NEGR1: variants seen among roughly 807,000 people sequenced by gnomAD.
NEGR1 encodes the protein neuronal growth regulator 1, also known as IgLON family member 4.
Under a neutral mutation model 40.9 loss-of-function variants are expected in NEGR1, and 10 were observed. The ratio of observed to expected loss-of-function variants is 0.24; its 90% CI spans 0.15 to 0.42. NEGR1 has a LOEUF of 0.42. Among genes scored for constraint, NEGR1 ranks in the 10% least tolerant of loss-of-function variants. The pLI is 1.00. For synonymous variants in NEGR1, 185 were observed against 166.8 expected (o/e 1.11, Z -0.84); for missense variants, 352 against 438.9 (o/e 0.80, Z 1.77).
At chr1:71,793,187 T>C (rs1001020427) in intron 2 of NEGR1, among the ~76,000 whole-genome samples, 1 of 142,118 alleles carries the variant, frequency 7.0e-6, no homozygotes, top group African/African-American at 2.6e-5. Context: ...GATGTTCTTT[T>C]TTTTTTTTTT....
chr1:72,023,282 C>G (rs1646777372), intron 1 of NEGR1, among the ~76,000 whole-genome samples: 1 of 152,014 alleles, frequency 6.6e-6, no homozygotes, highest in Non-Finnish European at 1.5e-5. Context: ...CGAGCACAGC[C>G]CTCCACAGTT....
At chr1:71,692,707 C>T (rs1653332628) in intron 4 of NEGR1, among the ~76,000 whole-genome samples, 1 of 151,766 alleles carries the variant, frequency 6.6e-6, no homozygotes, top group South Asian at 2.1e-4. Flanking sequence ...TTGGAACATT[C>T]AATTCCACAT....
chr1:71,806,344 A>G (rs1570372100), intron 2 of NEGR1, among the ~76,000 whole-genome samples: 1 of 152,072 alleles, frequency 6.6e-6, no homozygotes, highest in East Asian at 1.9e-4. Context: ...TGGAATCCCT[A>G]TGATTTAGGG....
intron 3 of NEGR1, among the ~76,000 whole-genome samples, chr1:71,719,388 T>A (rs1366918714): frequency 1.3e-5 from 2 of 152,022 alleles, no homozygotes; most frequent in African/African-American, 4.8e-5. Context: ...TACAAAAAAA[T>A]TAATTGTCTG....
At chr1:71,565,466 A>C (rs1648588580) in intron 6 of NEGR1, among the ~76,000 whole-genome samples, 1 of 152,188 alleles carries the variant, frequency 6.6e-6, no homozygotes, top group Non-Finnish European at 1.5e-5. Flanking sequence ...TAGCAGGGAA[A>C]ATAAGTGTTT....
At chr1:71,611,627 AC>A (rs1650253753) in intron 4 of NEGR1, among the ~76,000 whole-genome samples, 1 of 152,238 alleles carries the variant, frequency 6.6e-6, no homozygotes, top group South Asian at 2.1e-4. Context: ...TGTCAAGGTC[AC>A]ACAGCTACTT....
At chr1:71,742,662 C>A (rs1655251736) in intron 3 of NEGR1, among the ~76,000 whole-genome samples, 1 of 152,030 alleles carries the variant, frequency 6.6e-6, no homozygotes, top group Non-Finnish European at 1.5e-5. Flanking sequence ...TTCATGGGCT[C>A]ATAGCTGGAG....
At chr1:71,869,371 T>C (rs1660211915) in intron 2 of NEGR1, among the ~76,000 whole-genome samples, 1 of 152,014 alleles carries the variant, frequency 6.6e-6, no homozygotes, top group Admixed American at 6.6e-5. Context: ...AAAAAATAAA[T>C]GAATAATTGT....
intron 3 of NEGR1, among the ~76,000 whole-genome samples, chr1:71,717,752 G>T (rs1455997198): frequency 6.6e-6 from 1 of 152,144 alleles, no homozygotes; most frequent in East Asian, 1.9e-4. Context: ...TGCTGGTAGG[G>T]TCCTTAAAAA....
intron 1 of NEGR1, among the ~76,000 whole-genome samples, chr1:72,234,151 A>G (rs116807897): frequency 1.2e-3 from 185 of 152,112 alleles, no homozygotes; most frequent in Non-Finnish European, 1.9e-3. Context: ...CCACACTCTG[A>G]TAGACACCAG....
chr1:71,482,562 C>T (rs1261960648), intron 6 of NEGR1, among the ~76,000 whole-genome samples: 1 of 151,758 alleles, frequency 6.6e-6, no homozygotes, highest in Non-Finnish European at 1.5e-5. Context: ...ATTTTTAATT[C>T]TCATTTATTT....
At chr1:71,881,427 A>C (rs1013452429) in intron 2 of NEGR1, among the ~76,000 whole-genome samples, 4 of 152,054 alleles carry the variant, frequency 2.6e-5, no homozygotes, top group Non-Finnish European at 4.4e-5. Context: ...GTTTAAAATA[A>C]ATTGTAATTG....
At chr1:71,441,662 T>C (rs1016915686) in intron 6 of NEGR1, among the ~76,000 whole-genome samples, 8 of 152,180 alleles carry the variant, frequency 5.3e-5, no homozygotes, top group Admixed American at 2.0e-4. Context: ...GTAAATGTTA[T>C]CACGTATACT....
At chr1:72,037,340 A>G (rs550077295) in intron 1 of NEGR1, among the ~76,000 whole-genome samples, 3 of 152,262 alleles carry the variant, frequency 2.0e-5, no homozygotes, top group African/African-American at 7.2e-5. Context: ...ACTGCTAACA[A>G]TTCATAGTCA....
chr1:71,962,859 C>A (rs1051572907), intron 1 of NEGR1, among the ~76,000 whole-genome samples: 2 of 151,224 alleles, frequency 1.3e-5, no homozygotes, highest in Admixed American at 6.6e-5. Flanking sequence ...TGTTCTCAAC[C>A]CTGAATGGAC....
chr1:72,269,987 C>T (rs553303093), intron 1 of NEGR1, among the ~76,000 whole-genome samples: 9 of 151,744 alleles, frequency 5.9e-5, no homozygotes, highest in South Asian at 2.1e-4. Flanking sequence ...CGAGTAAATG[C>T]GTAATAAATG....
chr1:71,961,056 C>T (rs1375231630), intron 1 of NEGR1, among the ~76,000 whole-genome samples: 1 of 152,092 alleles, frequency 6.6e-6, no homozygotes, highest in Non-Finnish European at 1.5e-5. Flanking sequence ...TTAACAAATA[C>T]ACTCACAGGA....
chr1:71,772,235 C>T (rs566713103), intron 3 of NEGR1, among the ~76,000 whole-genome samples: 24 of 152,208 alleles, frequency 1.6e-4, no homozygotes, highest in Non-Finnish European at 2.6e-4. Flanking sequence ...GAAACCCCAT[C>T]TCTACTCAGA....
intron 2 of NEGR1, among the ~76,000 whole-genome samples, chr1:71,888,347 C>T (rs919477458): frequency 1.2e-4 from 19 of 152,082 alleles, no homozygotes; most frequent in Non-Finnish European, 2.4e-4. Flanking sequence ...TGGGCGCAGG[C>T]CAGTGTGTGC....
Sources: gnomAD v4.1 joint callset for allele counts (sites outside exome capture counted in the v4.1 genomes callset) on GRCh38, gnomAD v4.1.1 for gene constraint, MANE v1.5 for transcripts, NCBI Gene and HGNC (gene_info 2026-07-23, HGNC 2026-07-21) for gene names.